The following ZNF804B variants were observed in gnomAD, a reference collection of about 807,000 sequenced individuals.
ZNF804B encodes zinc finger protein 804B, also known as zinc finger 804B.
Under a neutral mutation model 101.4 loss-of-function variants are expected in ZNF804B, and 80 were observed. That is an observed-to-expected ratio of 0.79 (90% CI 0.66 to 0.95). The LOEUF (loss-of-function observed/expected upper bound fraction) is 0.95, where lower values mean the gene tolerates loss of function less well. ZNF804B is among the 40% of genes least tolerant of loss of function. The pLI, the probability that ZNF804B is intolerant of heterozygous loss-of-function variation, is 0.00. For missense variants in ZNF804B, 1,673 were observed against 1,561.9 expected, an observed-to-expected ratio of 1.07 and a Z score of -1.20; for synonymous variants, 622 against 558.8, an observed-to-expected ratio of 1.11 and a Z score of -1.59.
chr7:88,881,159 A>T (rs937343156), intron 1 of ZNF804B, among the ~76,000 whole-genome samples: 1 of 152,116 alleles, frequency 6.6e-6, no homozygotes, highest in African/African-American at 2.4e-5. Flanking sequence ...TTAATGGACT[A>T]TAGGTTATTT....
At chr7:89,136,618 T>C (rs1013541297) in intron 1 of ZNF804B, among the ~76,000 whole-genome samples, 1 of 152,158 alleles carries the variant, frequency 6.6e-6, no homozygotes, top group African/African-American at 2.4e-5. Flanking sequence ...CTACAAATCA[T>C]ACAATCATTT....
intron 1 of ZNF804B, among the ~76,000 whole-genome samples, chr7:88,793,035 A>G (rs770673405): frequency 3.3e-5 from 5 of 152,002 alleles, no homozygotes; most frequent in Admixed American, 6.6e-5. Flanking sequence ...GTCCTCAAAG[A>G]AGCTAAAAAT....
intron 2 of ZNF804B, among the ~76,000 whole-genome samples, chr7:89,308,893 G>C (rs959602156): frequency 6.6e-6 from 1 of 152,176 alleles, no homozygotes. Context: ...TTGGCCCATG[G>C]GTCTTAGTTT....
chr7:89,008,706 C>G (rs184017058), intron 1 of ZNF804B, among the ~76,000 whole-genome samples: 1 of 152,236 alleles, frequency 6.6e-6, no homozygotes, highest in African/African-American at 2.4e-5. Flanking sequence ...TTGAGACCAT[C>G]TGGCATGATA....
At chr7:89,295,930 T>C (rs1589747) in intron 2 of ZNF804B, among the ~76,000 whole-genome samples, 35,669 of 151,998 alleles carry the variant, frequency 0.23, 4,493 homozygotes, top group Admixed American at 0.28. Flanking sequence ...TTCTCACTTA[T>C]AAGTGGGAGC....
intron 2 of ZNF804B, among the ~76,000 whole-genome samples, chr7:89,306,517 G>T (rs38931): frequency 0.11 from 16,293 of 151,916 alleles, 909 homozygotes; most frequent in Non-Finnish European, 0.12. Context: ...TTTTCTAGAA[G>T]TATTGAAAGC....
intron 2 of ZNF804B, among the ~76,000 whole-genome samples, chr7:89,287,367 AG>A (rs1220891351): frequency 1.3e-5 from 2 of 152,166 alleles, no homozygotes; most frequent in Non-Finnish European, 2.9e-5. Flanking sequence ...AGAGAGCTCA[AG>A]GCTATTGTCT....
Position 88,841,640 on chromosome 7 carries a change from T to C in ZNF804B, c.108+81556T>C, listed in dbSNP as rs28515036. Among the ~76,000 whole-genome samples, 353 of 152,192 alleles carry C rather than the reference T, an allele frequency of 2.3e-3. 3 individuals are homozygous for C. The highest frequency in any genetic ancestry group is 8.2e-3 in the African/African-American group (340 of 41,544). Reference sequence around the variant, plus strand: ...CATAAGTACAAAAGCTTTCAGAGAGTTGTGTAAATCCTTCTAGAAAATTAT... The same window carrying C: ...CATAAGTACAAAAGCTTTCAGAGAGCTGTGTAAATCCTTCTAGAAAATTAT... On this transcript the variant is annotated intron_variant, in intron 1 of 3. Transcript: ENST00000333190.
At chr7:89,129,655 G>A (rs1379167868) in intron 1 of ZNF804B, among the ~76,000 whole-genome samples, 1 of 151,948 alleles carries the variant, frequency 6.6e-6, no homozygotes, top group Non-Finnish European at 1.5e-5. Context: ...CAAATGATTT[G>A]ATGAGGTAGA....
chr7:88,801,354 C>T (rs1169460408), intron 1 of ZNF804B, among the ~76,000 whole-genome samples: 2 of 151,564 alleles, frequency 1.3e-5, no homozygotes, highest in African/African-American at 2.4e-5. Flanking sequence ...TTCTATGCCA[C>T]GCTCAGAAGT....
intron 2 of ZNF804B, among the ~76,000 whole-genome samples, chr7:89,227,487 T>C (rs1182963678): frequency 1.3e-5 from 2 of 151,470 alleles, no homozygotes; most frequent in African/African-American, 4.9e-5. Flanking sequence ...TTATAGAGAG[T>C]GTATAAAAAA....
chr7:88,906,351 C>T (rs1792470224), intron 1 of ZNF804B, among the ~76,000 whole-genome samples: 1 of 152,032 alleles, frequency 6.6e-6, no homozygotes, highest in South Asian at 2.1e-4. Flanking sequence ...CAGTTGTTAA[C>T]TTGAGATCTT....
intron 2 of ZNF804B, among the ~76,000 whole-genome samples, chr7:89,238,503 A>C (rs60110293): frequency 6.6e-6 from 1 of 152,014 alleles, no homozygotes; most frequent in Non-Finnish European, 1.5e-5. Flanking sequence ...GTAAGAGCAA[A>C]TTTGTTTTGT....
At chr7:89,007,446 TTA>T (rs61374091) in intron 1 of ZNF804B, among the ~76,000 whole-genome samples, 8,886 of 56,912 alleles carry the variant, frequency 0.16, 499 homozygotes, top group Non-Finnish European at 0.18. Flanking sequence ...ATCCATGATT[TTA>T]TATATATATA....
At chr7:88,873,946 A>G (rs960849890) in intron 1 of ZNF804B, among the ~76,000 whole-genome samples, 6 of 152,188 alleles carry the variant, frequency 3.9e-5, no homozygotes, top group Admixed American at 2.0e-4. Context: ...TTGACTTGGC[A>G]ATGCGGGCTC....
chr7:88,979,610 T>TTC (rs1262998722), intron 1 of ZNF804B, among the ~76,000 whole-genome samples: 3 of 48,430 alleles, frequency 6.2e-5, no homozygotes, highest in African/African-American at 3.3e-4. Flanking sequence ...TTTTCTTTCT[T>TTC]TTTTTTTTTT....
chr7:88,771,540 C>T (rs1790063488), intron 1 of ZNF804B, among the ~76,000 whole-genome samples: 1 of 151,970 alleles, frequency 6.6e-6, no homozygotes, highest in South Asian at 2.1e-4. Flanking sequence ...AAATAAAGCC[C>T]TCATTTCTGG....
At chr7:88,826,874 G>A (rs959597520) in intron 1 of ZNF804B, among the ~76,000 whole-genome samples, 2 of 152,030 alleles carry the variant, frequency 1.3e-5, no homozygotes, top group Non-Finnish European at 2.9e-5. Flanking sequence ...TTAATCAGAA[G>A]ATTTATATGG....
intron 2 of ZNF804B, among the ~76,000 whole-genome samples, chr7:89,240,782 C>T (rs981190019): frequency 6.6e-6 from 1 of 152,040 alleles, no homozygotes; most frequent in Non-Finnish European, 1.5e-5. Flanking sequence ...TTGCTGAGTA[C>T]TTAAAATTTT....
Sources: allele counts gnomAD v4.1 joint callset (sites outside exome capture counted in the v4.1 genomes callset), GRCh38; gene constraint gnomAD v4.1.1; transcripts MANE v1.5; gene names NCBI Gene and HGNC (gene_info 2026-07-23, HGNC 2026-07-21).